Variants in AGPAT3 observed in about 807,000 individuals in gnomAD.
AGPAT3 encodes the protein 1-acylglycerol-3-phosphate O-acyltransferase 3.
In AGPAT3, 5 loss-of-function variants were observed where a neutral mutation model predicts 47.3. The ratio of observed to expected loss-of-function variants is 0.11; its 90% CI spans 0.06 to 0.22. AGPAT3 has a LOEUF of 0.22. AGPAT3 is among the 10% of genes least tolerant of loss of function. The pLI, the probability that AGPAT3 is intolerant of heterozygous loss-of-function variation, is 1.00. For missense variants in AGPAT3, 315 were observed against 493.0 expected, an observed-to-expected ratio of 0.64 and a Z score of 3.42; for synonymous variants, 212 against 208.3, an observed-to-expected ratio of 1.02 and a Z score of -0.15.
rs562467454 is a variant in AGPAT3, at chr21:43,901,948, A to T, written c.-111-2009A>T. On this transcript the variant is annotated intron_variant, in intron 1 of 9. Coordinates refer to ENST00000291572, the MANE Select transcript of AGPAT3 (RefSeq NM_020132.5). ...ATGAACAGAGCATCAGTGGGACCAT[A>T]TCGAGAGTAACATATGAAACTGATT... Among the ~76,000 whole-genome samples, 138 of 152,350 alleles carry T rather than the reference A, an allele frequency of 9.1e-4. 2 individuals are homozygous for T. Among genetic ancestry groups the T allele is most frequent in the African/African-American group, 3.2e-3 (131 of 41,572 alleles).
chr21:43,894,293 A>G (rs938036351), intron 1 of AGPAT3, among the ~76,000 whole-genome samples: 7 of 150,454 alleles, frequency 4.7e-5, no homozygotes, highest in African/African-American at 1.7e-4. Context: ...GTAGGATATC[A>G]CTGGTGAAAT....
At chr21:43,937,682 GA>G (rs2087494546) in intron 2 of AGPAT3, among the ~76,000 whole-genome samples, 1 of 152,132 alleles carries the variant, frequency 6.6e-6, no homozygotes, top group East Asian at 1.9e-4. Context: ...TCCTGCCTCC[GA>G]AAGTGCTGGA....
intron 1 of AGPAT3, among the ~76,000 whole-genome samples, chr21:43,865,849 C>T (rs953787566): frequency 6.6e-6 from 1 of 152,078 alleles, no homozygotes; most frequent in African/African-American, 2.4e-5. Flanking sequence ...CCCCCAGGGG[C>T]CTCCTCCTCG....
rs1329820013 is a variant in AGPAT3 at position 43,980,391 on chromosome 21, T to G, written c.844-598T>G. Among the ~76,000 whole-genome samples the G allele has an allele frequency of 3.9e-5, 6 of 152,196 alleles. No homozygotes were observed. The East Asian group carries it at 7.7e-4, about 20-fold the overall frequency. On this transcript the variant is annotated intron_variant, in intron 8 of 9. Coordinates refer to ENST00000291572, the MANE Select transcript of AGPAT3 (RefSeq NM_020132.5). ...CCACGGGCAGTGGCTGCGGAGTGTC[T>G]GCTCTATCAGGCATGGTGATTTCCT...
intron 7 of AGPAT3, among the ~76,000 whole-genome samples, chr21:43,976,411 G>C (rs1346501780): frequency 6.6e-6 from 1 of 152,194 alleles, no homozygotes; most frequent in Non-Finnish European, 1.5e-5. Context: ...TGTTGGTCAG[G>C]CTGGTCTTGA....
At chr21:43,926,297 C>A (rs886267228) in intron 2 of AGPAT3, among the ~76,000 whole-genome samples, 2 of 152,222 alleles carry the variant, frequency 1.3e-5, no homozygotes, top group Non-Finnish European at 2.9e-5. Flanking sequence ...CGCACTGGCG[C>A]CAAGGGGGTG....
At chr21:43,937,854 A>C (rs191471616) in intron 2 of AGPAT3, among the ~76,000 whole-genome samples, 1 of 152,184 alleles carries the variant, frequency 6.6e-6, no homozygotes, top group Non-Finnish European at 1.5e-5. Flanking sequence ...ATGAAACCAG[A>C]TGACTTCTGC....
intron 1 of AGPAT3, among the ~76,000 whole-genome samples, chr21:43,883,454 C>T (rs973653000): frequency 6.6e-6 from 1 of 152,230 alleles, no homozygotes; most frequent in African/African-American, 2.4e-5. Context: ...ATGACATGGC[C>T]GGGGCCCTGG....
rs577711089 is a variant in AGPAT3, at chr21:43,890,748, A to T, written c.-111-13209A>T. ...TTTTTCATTTATTTATTTATTTATT[A>T]ATTTTTTGAGACAGAGTCTTACTCT... is the stretch of plus-strand genomic sequence containing the variant. On this transcript the variant is annotated intron_variant, in intron 1 of 9. Coordinates refer to ENST00000291572, the MANE Select transcript of AGPAT3 (RefSeq NM_020132.5). 3.3e-4 allele frequency among the ~76,000 whole-genome samples: 39 copies of T among 119,450 alleles called. 1 individual carries two copies. The highest frequency in any genetic ancestry group is 1.1e-3 in the African/African-American group (33 of 30,982). 78.4% of individuals were successfully genotyped at this position (119,450 alleles called of 152,430 possible).
At chr21:43,931,877 G>A (rs1052667337) in intron 2 of AGPAT3, among the ~76,000 whole-genome samples, 6 of 151,668 alleles carry the variant, frequency 4.0e-5, no homozygotes, top group African/African-American at 1.5e-4. Context: ...GTTCCATACA[G>A]GTTGAGGTTT....
chr21:43,964,955 G>GTC (rs1357232094), intron 3 of AGPAT3: 1 of 160,472 alleles, frequency 6.2e-6, no homozygotes, highest in Non-Finnish European at 1.3e-5. Flanking sequence ...TTGAGACAGG[G>GTC]TCTTGCTCTG....
chr21:43,970,521 C>T lies in AGPAT3; in HGVS notation c.511-132C>T, dbSNP rs906830000. On this transcript the variant is annotated intron_variant, in intron 5 of 9. Transcript: ENST00000291572. The surrounding 1 kb of genome is among the most constrained non-coding windows in gnomAD (Gnocchi z 5.8). ...CCTTTCAGTCATAACCCATGCTGCT[C>T]GCTAAAGCGGTTCCAAGATTTCCAC... is the stretch of plus-strand genomic sequence containing the variant. The T allele has an allele frequency of 9.8e-6, 9 of 920,908 alleles. No individual in the cohort carries two copies. Among genetic ancestry groups the T allele is most frequent in the South Asian group, 5.0e-5 (3 of 60,002 alleles). The allele number at this position is 920,908 out of a possible 1,614,324, so 57.0% of individuals were successfully genotyped here.
chr21:43,892,903 T>A (rs1325153122), intron 1 of AGPAT3, among the ~76,000 whole-genome samples: 1 of 152,190 alleles, frequency 6.6e-6, no homozygotes, highest in Non-Finnish European at 1.5e-5. Flanking sequence ...AAGACCAAGC[T>A]GGGCAACGTG....
intron 2 of AGPAT3, among the ~76,000 whole-genome samples, chr21:43,944,278 G>A (rs1338558153): frequency 4.6e-5 from 7 of 152,282 alleles, no homozygotes; most frequent in African/African-American, 1.2e-4. Flanking sequence ...CCAGGAGGCC[G>A]CTGAGTGGTT....
chr21:43,960,008 C>T (rs2088753319), intron 3 of AGPAT3, 149 bp downstream of exon 3: 3 of 810,730 alleles, frequency 3.7e-6, no homozygotes, highest in African/African-American at 3.4e-5. Context: ...TGTCGGAAGG[C>T]ACCTGGCTAC....
rs1390088386 is a variant in AGPAT3, at chr21:43,880,909, G to T, written c.-112+15564G>T. On this transcript the variant is annotated intron_variant, in intron 1 of 9. Coordinates refer to ENST00000291572, the MANE Select transcript of AGPAT3 (RefSeq NM_020132.5). The surrounding 1 kb of genome is among the most constrained non-coding windows in gnomAD (Gnocchi z 4.5). ...TATGTTAACTGTTCGTAGCAAGGAA[G>T]ATTTGTTTTCAGGCTGGTGGTTTGA... 6.6e-6 allele frequency among the ~76,000 whole-genome samples: 1 copy of T among 152,140 alleles called. No individual in the cohort carries two copies. The highest frequency in any genetic ancestry group is 1.5e-5 in the Non-Finnish European group (1 of 68,034).
In AGPAT3 at chr21:43,920,256, T is replaced by G. The variant is rs889039691; in HGVS notation, c.-49+16237T>G. 6.6e-6 allele frequency among the ~76,000 whole-genome samples: 1 copy of G among 151,792 alleles called. No individual in the cohort carries two copies. Among genetic ancestry groups the G allele is most frequent in the African/African-American group, 2.4e-5 (1 of 41,316 alleles). On this transcript the variant is annotated intron_variant, in intron 2 of 9. Coordinates refer to ENST00000291572, the MANE Select transcript of AGPAT3 (RefSeq NM_020132.5). This position sits in a 1 kb window ranked among gnomAD's most constrained non-coding sequence, Gnocchi z 6.1. ...GTGAGTGAGTGTGTGTGTGTAAGGG[T>G]GTGTGTAAAGCGTGAATGTGTCAGT... is the stretch of plus-strand genomic sequence containing the variant.
intron 7 of AGPAT3, among the ~76,000 whole-genome samples, chr21:43,976,480 A>G (rs1417675484): frequency 1.3e-5 from 2 of 152,240 alleles, no homozygotes; most frequent in African/African-American, 4.8e-5. Flanking sequence ...GATTACAGGC[A>G]TGAGCCACTG....
At chr21:43,938,117 GAC>G (rs60019728) in intron 2 of AGPAT3, among the ~76,000 whole-genome samples, 586 of 147,170 alleles carry the variant, frequency 4.0e-3, no homozygotes, top group African/African-American at 9.2e-3. Flanking sequence ...CACACACACA[GAC>G]ACACACACAC....
Sources: gnomAD v4.1 joint callset for allele counts (sites outside exome capture counted in the v4.1 genomes callset) on GRCh38, gnomAD v4.1.1 for gene constraint, Gnocchi (gnomAD v3.1) non-coding constraint, MANE v1.5 for transcripts, NCBI Gene and HGNC (gene_info 2026-07-23, HGNC 2026-07-21) for gene names.